Variants in EYS observed in about 807,000 individuals in gnomAD.
EYS encodes EGF-like photoreceptor maintenance factor, also known as protein eyes shut homolog.
A neutral mutation model predicts 282.1 loss-of-function variants in EYS; 250 were observed. That is an observed-to-expected ratio of 0.89 (90% CI 0.80 to 0.98). The LOEUF (loss-of-function observed/expected upper bound fraction) is 0.98, where lower values mean the gene tolerates loss of function less well. Ranked by LOEUF, EYS falls within the 50% of genes least tolerant of loss-of-function variation. The probability of loss-of-function intolerance (pLI) is 0.00; values close to 1 mark genes in which losing one functional copy is unlikely to be tolerated. For synonymous variants in EYS, 1,355 were observed against 1,282.9 expected (o/e 1.06, Z -1.20); for missense variants, 4,016 against 3,709.0 (o/e 1.08, Z -2.15).
intron 26 of EYS, among the ~76,000 whole-genome samples, chr6:64,487,771 G>C (rs1776621752): frequency 6.6e-6 from 1 of 150,460 alleles, no homozygotes; most frequent in Admixed American, 6.6e-5. Context: ...TGTACCTACA[G>C]CATAATATTT....
intron 22 of EYS, among the ~76,000 whole-genome samples, chr6:64,663,128 A>T (rs1036286427): frequency 6.6e-6 from 1 of 152,188 alleles, no homozygotes; most frequent in Non-Finnish European, 1.5e-5. Context: ...CCTAAAAAAT[A>T]ATAGAATTAG....
chr6:64,916,410 A>C (rs1249203393), intron 15 of EYS, among the ~76,000 whole-genome samples: 1 of 152,222 alleles, frequency 6.6e-6, no homozygotes, highest in African/African-American at 2.4e-5. Context: ...GATAATGCCA[A>C]GGCTGAGTTC....
chr6:64,191,482 C>T (rs937568320), intron 31 of EYS, among the ~76,000 whole-genome samples: 5 of 145,440 alleles, frequency 3.4e-5, no homozygotes, highest in African/African-American at 1.2e-4. Context: ...TCCCTTCCCC[C>T]CCCACCCCAA....
rs368813634 is a variant in EYS, at chr6:64,637,274, A to T, written c.3444-11029T>A. Among the ~76,000 whole-genome samples, 447 of 90,962 alleles carry T rather than the reference A, an allele frequency of 4.9e-3. 160 individuals carry two copies. Among genetic ancestry groups the T allele is most frequent in the African/African-American group, 0.018 (423 of 23,840 alleles). 59.7% of individuals were successfully genotyped at this position (90,962 alleles called of 152,430 possible). A position where few individuals can be genotyped will look rare whatever the true frequency, so the allele number is the denominator to read the frequency against. On this transcript the variant is annotated intron_variant, in intron 22 of 42. Coordinates refer to ENST00000503581, the MANE Select transcript of EYS (RefSeq NM_001142800.2). Reference sequence around the variant, plus strand: ...AATACTATGCAGCCATAAAAAATGAAGAGTTCATGTCCTTTGTAGGGACAT... The same window carrying T: ...AATACTATGCAGCCATAAAAAATGATGAGTTCATGTCCTTTGTAGGGACAT...
At chr6:65,100,097 T>C (rs1005052293) in intron 12 of EYS, among the ~76,000 whole-genome samples, 2 of 150,888 alleles carry the variant, frequency 1.3e-5, no homozygotes, top group Non-Finnish European at 3.0e-5. Flanking sequence ...CTATTTACAA[T>C]GAACCAGAGA....
intron 13 of EYS, 29 bp from the exon 14 acceptor site, chr6:64,997,732 T>A (rs1771318121): frequency 6.5e-7 from 1 of 1,547,628 alleles, no homozygotes; most frequent in African/African-American, 1.4e-5. Flanking sequence ...AGAAAACTCT[T>A]AACATTCCTT....
At chr6:65,122,515 G>A (rs776320658) in intron 12 of EYS, among the ~76,000 whole-genome samples, 57 of 151,982 alleles carry the variant, frequency 3.8e-4, no homozygotes, top group Non-Finnish European at 2.2e-4. Context: ...AGCAAAACAA[G>A]TAACTATCTT....
chr6:64,069,825 A>G (rs778604047), intron 32 of EYS, among the ~76,000 whole-genome samples: 1 of 152,148 alleles, frequency 6.6e-6, no homozygotes, highest in African/African-American at 2.4e-5. Flanking sequence ...CTGAATTACC[A>G]TTTAAAACCA....
chr6:65,421,842 C>G (rs957165778), intron 5 of EYS, among the ~76,000 whole-genome samples: 1 of 151,804 alleles, frequency 6.6e-6, no homozygotes, highest in African/African-American at 2.4e-5. Context: ...CAGAACCACA[C>G]GACATTTATC....
chr6:64,603,657 A>G (rs1174948617), intron 24 of EYS, among the ~76,000 whole-genome samples: 1 of 152,038 alleles, frequency 6.6e-6, no homozygotes, highest in Non-Finnish European at 1.5e-5. Context: ...AGTTTTCTAT[A>G]TGTGATAGGG....
intron 31 of EYS, among the ~76,000 whole-genome samples, chr6:64,111,191 A>G (rs182317501): frequency 2.0e-5 from 3 of 152,182 alleles, no homozygotes; most frequent in Admixed American, 1.3e-4. Flanking sequence ...AATTCACTCT[A>G]CTAGTTTAAG....
rs33925107 is a variant in EYS at position 63,753,140 on chromosome 6, GTATATATATATA to G, written c.8071+9309_8071+9320del. On this transcript the variant is annotated intron_variant, in intron 41 of 42. Coordinates refer to ENST00000503581, the MANE Select transcript of EYS (RefSeq NM_001142800.2). ...AATATGTGTGTGTATGTGTGTGTGT[GTATATATATATA>G]TATATATATATATATGTATATATAT... Among the ~76,000 whole-genome samples, 753 of 136,026 alleles carry G rather than the reference GTATATATATATA, an allele frequency of 5.5e-3. 5 individuals are homozygous for G. Among genetic ancestry groups the G allele is most frequent in the African/African-American group, 0.012 (427 of 36,628 alleles). 89.2% of individuals were successfully genotyped at this position (136,026 alleles called of 152,430 possible).
At chr6:64,607,670 G>A (rs1036930386) in intron 24 of EYS, among the ~76,000 whole-genome samples, 1 of 152,084 alleles carries the variant, frequency 6.6e-6, no homozygotes, top group African/African-American at 2.4e-5. Flanking sequence ...GGCCATAACA[G>A]AATAGATAAG....
chr6:64,235,817 T>C (rs1450188392), intron 30 of EYS, among the ~76,000 whole-genome samples: 3 of 152,164 alleles, frequency 2.0e-5, no homozygotes, highest in Non-Finnish European at 4.4e-5. Flanking sequence ...GCTCTGAAAT[T>C]GTGGCAATAA....
chr6:65,142,157 G>GTA (rs1159859597), intron 12 of EYS, among the ~76,000 whole-genome samples: 3 of 152,034 alleles, frequency 2.0e-5, no homozygotes, highest in African/African-American at 4.8e-5. Context: ...TTATTTTATA[G>GTA]TATATACGTA....
chr6:65,031,858 GA>G (rs34960933), intron 13 of EYS, among the ~76,000 whole-genome samples: 38,919 of 149,352 alleles, frequency 0.26, 6,088 homozygotes, highest in African/African-American at 0.44. Context: ...AAAGTTAGCA[GA>G]AAAAAAAATA....
intron 32 of EYS, among the ~76,000 whole-genome samples, chr6:64,079,210 TTCTC>T (rs1325488843): frequency 6.6e-6 from 1 of 151,914 alleles, no homozygotes; most frequent in Non-Finnish European, 1.5e-5. Context: ...TTGTATTGTC[TTCTC>T]TCTCTCTCTT....
intron 12 of EYS, among the ~76,000 whole-genome samples, chr6:65,210,893 C>G (rs995651667): frequency 6.6e-6 from 1 of 151,246 alleles, no homozygotes; most frequent in Admixed American, 6.6e-5. Context: ...CTGCATGCAG[C>G]CTTTCCTGAT....
At chr6:64,471,178 A>G (rs922489840) in intron 26 of EYS, among the ~76,000 whole-genome samples, 12 of 152,170 alleles carry the variant, frequency 7.9e-5, no homozygotes, top group Non-Finnish European at 1.3e-4. Context: ...AGAATATTAT[A>G]TCCACAAGAA....
Sources: gnomAD v4.1 joint callset for allele counts (sites outside exome capture counted in the v4.1 genomes callset) on GRCh38, gnomAD v4.1.1 for gene constraint, MANE v1.5 for transcripts, NCBI Gene and HGNC (gene_info 2026-07-23, HGNC 2026-07-21) for gene names.